The following AKAP10 variants were observed in gnomAD, a reference collection of about 807,000 sequenced individuals.
AKAP10 encodes A-kinase anchor protein 10, mitochondrial.
In AKAP10, 24 loss-of-function variants were observed where a neutral mutation model predicts 80.8. That is an observed-to-expected ratio of 0.30 (90% CI 0.22 to 0.42). The LOEUF (loss-of-function observed/expected upper bound fraction) is 0.42. Ranked by LOEUF, AKAP10 falls within the 10% of genes least tolerant of loss-of-function variation. The pLI is 1.00. For synonymous variants in AKAP10, 291 were observed against 277.7 expected, an observed-to-expected ratio of 1.05 and a Z score of -0.48; for missense variants, 661 against 794.9, an observed-to-expected ratio of 0.83 and a Z score of 2.03.
chr17:19,948,083 A>G (rs1213871673), intron 4 of AKAP10, among the ~76,000 whole-genome samples: 2 of 152,200 alleles, frequency 1.3e-5, no homozygotes, highest in African/African-American at 4.8e-5. Flanking sequence ...TAAAGGGAAA[A>G]CAGCAAATTA....
chr17:19,913,304 C>T (rs1013204070), intron 12 of AKAP10, among the ~76,000 whole-genome samples: 1 of 152,094 alleles, frequency 6.6e-6, no homozygotes, highest in Admixed American at 6.6e-5. Context: ...AAGCGCGTGC[C>T]ACCATGCCTG....
Position 19,972,747 on chromosome 17 carries a change from G to A in AKAP10, c.89-4286C>T, listed in dbSNP as rs80194186. Among the ~76,000 whole-genome samples the A allele has an allele frequency of 1.4e-4, 21 of 152,260 alleles. No individual in the cohort carries two copies. In the East Asian group the frequency reaches 3.9e-3, roughly 28 times the overall value. ...TGGTATTACAGGCGTGAGCCACCGC[G>A]CTTGGCGAAAGTTTTAAGTTTTAAC... is the stretch of plus-strand genomic sequence containing the variant. On this transcript the variant is annotated intron_variant, in intron 1 of 14. Coordinates refer to ENST00000225737, the MANE Select transcript of AKAP10 (RefSeq NM_007202.4).
intron 8 of AKAP10, among the ~76,000 whole-genome samples, chr17:19,936,953 T>C (rs995467733): frequency 4.6e-5 from 7 of 152,030 alleles, no homozygotes; most frequent in South Asian, 4.1e-4. Flanking sequence ...ATATGACCTA[T>C]TTGGATAGAA....
intron 1 of AKAP10, among the ~76,000 whole-genome samples, chr17:19,972,454 T>C (rs923943359): frequency 6.6e-6 from 1 of 151,932 alleles, no homozygotes; most frequent in Non-Finnish European, 1.5e-5. Flanking sequence ...GTTTTTTGCT[T>C]TGTTTTGTTT....
At chr17:19,977,403 G>C (rs1212973288) in intron 1 of AKAP10, among the ~76,000 whole-genome samples, 189 bp downstream of exon 1, 2 of 152,204 alleles carry the variant, frequency 1.3e-5, no homozygotes, top group African/African-American at 4.8e-5. Context: ...CTGACCTCGC[G>C]CAAGAAGGCC....
intron 4 of AKAP10, among the ~76,000 whole-genome samples, chr17:19,950,397 T>C (rs2043186564): frequency 6.6e-6 from 1 of 152,244 alleles, no homozygotes; most frequent in African/African-American, 2.4e-5. Flanking sequence ...CTCGGCTCAC[T>C]GCAACCTCCC....
chr17:19,939,000 G>A (rs1421671431), intron 8 of AKAP10, among the ~76,000 whole-genome samples: 1 of 152,106 alleles, frequency 6.6e-6, no homozygotes, highest in Non-Finnish European at 1.5e-5. Flanking sequence ...TCAAAGTGTT[G>A]TGATTACAGG....
At chr17:19,960,143 G>A (rs1238346542) in intron 3 of AKAP10, among the ~76,000 whole-genome samples, 2 of 152,104 alleles carry the variant, frequency 1.3e-5, no homozygotes, top group Non-Finnish European at 2.9e-5. Context: ...GTAACATCTT[G>A]CAAAGCTATA....
intron 10 of AKAP10, among the ~76,000 whole-genome samples, chr17:19,930,797 G>A (rs541758902): frequency 9.9e-5 from 15 of 152,032 alleles, no homozygotes; most frequent in South Asian, 6.2e-4. Flanking sequence ...TGCAACCTCC[G>A]ACTCCCTGGT....
intron 1 of AKAP10, among the ~76,000 whole-genome samples, chr17:19,972,656 C>T (rs568454892): frequency 1.3e-5 from 2 of 152,236 alleles, no homozygotes; most frequent in South Asian, 4.1e-4. Flanking sequence ...GGGGTTTCAC[C>T]GTGTTAGCCA....
At chr17:19,944,024 A>AT (rs2043077858) in intron 5 of AKAP10, among the ~76,000 whole-genome samples, 1 of 152,088 alleles carries the variant, frequency 6.6e-6, no homozygotes, top group Non-Finnish European at 1.5e-5. Context: ...CCTTTCTCAA[A>AT]TATTTAACAC....
intron 13 of AKAP10, 83 bp from the exon 14 acceptor site, chr17:19,909,359 G>T: frequency 8.4e-7 from 1 of 1,187,070 alleles, no homozygotes; most frequent in Non-Finnish European, 1.2e-6. Context: ...TTAACAAATG[G>T]CTTACGCACA....
chr17:19,913,326 G>C (rs754639464), intron 12 of AKAP10, among the ~76,000 whole-genome samples: 3 of 151,944 alleles, frequency 2.0e-5, no homozygotes, highest in Non-Finnish European at 2.9e-5. Flanking sequence ...CTAATTTTTT[G>C]TATTTTTAGT....
chr17:19,922,879 AAC>A, intron 11 of AKAP10, among the ~76,000 whole-genome samples: 1 of 152,354 alleles, frequency 6.6e-6, no homozygotes, highest in Admixed American at 6.5e-5. Context: ...CAGCCTGAGC[AAC>A]AGAGCGAGAC....
intron 5 of AKAP10, among the ~76,000 whole-genome samples, chr17:19,946,237 T>TATATTATATA (rs1491288818): frequency 1.3e-4 from 2 of 15,176 alleles, no homozygotes; most frequent in Non-Finnish European, 2.0e-4. Flanking sequence ...TATATATATA[T>TATATTATATA]TATATATATA....
chr17:19,977,509 TG>T, intron 1 of AKAP10, 82 bp downstream of exon 1: 2 of 1,104,372 alleles, frequency 1.8e-6, no homozygotes. Context: ...GCTGCCGCCT[TG>T]GGGAAAGCCC....
chr17:19,947,223 G>A (rs1272866894), intron 5 of AKAP10, 184 bp downstream of exon 5: 23 of 573,656 alleles, frequency 4.0e-5, no homozygotes, highest in East Asian at 3.7e-4. Flanking sequence ...CCCTCGCACC[G>A]AATGCAGCCG....
At chr17:19,963,211 CTTTTTT>C (rs35363359) in intron 2 of AKAP10, among the ~76,000 whole-genome samples, 189 bp from the exon 3 acceptor site, 3 of 119,588 alleles carry the variant, frequency 2.5e-5, no homozygotes, top group South Asian at 2.6e-4. Flanking sequence ...AGAAAACACT[CTTTTTT>C]TTTTTTTTTT....
chr17:19,937,625 C>A (rs1264375328), intron 8 of AKAP10, among the ~76,000 whole-genome samples: 1 of 152,228 alleles, frequency 6.6e-6, no homozygotes, highest in Non-Finnish European at 1.5e-5. Context: ...CTTGAATGTT[C>A]AGGCATTTTA....
Sources: allele counts gnomAD v4.1 joint callset (sites outside exome capture counted in the v4.1 genomes callset), GRCh38; gene constraint gnomAD v4.1.1; transcripts MANE v1.5; gene names NCBI Gene and HGNC (gene_info 2026-07-23, HGNC 2026-07-21).